The following HCN1 variants were observed in gnomAD, a reference collection of about 807,000 sequenced individuals.
HCN1 encodes the protein potassium/sodium hyperpolarization-activated cyclic nucleotide-gated channel 1.
In HCN1, 13 loss-of-function variants were observed where a neutral mutation model predicts 78.9. The observed-to-expected ratio is 0.16, with a 90% CI of 0.11 to 0.26. The LOEUF (loss-of-function observed/expected upper bound fraction) is 0.26, where lower values mean the gene tolerates loss of function less well. Among genes scored for constraint, HCN1 ranks in the 10% least tolerant of loss-of-function variants. HCN1 has a pLI of 1.00. For missense variants in HCN1, 810 were observed against 1,154.3 expected, an observed-to-expected ratio of 0.70 and a Z score of 4.32; for synonymous variants, 552 against 455.5, an observed-to-expected ratio of 1.21 and a Z score of -2.70.
intron 2 of HCN1, chr5:45,643,825 A>G (rs943482878): frequency 5.3e-5 from 8 of 152,174 alleles, no homozygotes; most frequent in Admixed American, 4.6e-4. Context: ...ATTAGCAAGA[A>G]TCATCTTGGT....
At chr5:45,607,147 A>T (rs577023494) in intron 2 of HCN1, among the ~76,000 whole-genome samples, 1 of 152,028 alleles carries the variant, frequency 6.6e-6, no homozygotes, top group African/African-American at 2.4e-5. Flanking sequence ...ATCATTAAAC[A>T]TGACTAAAGT....
rs973761431 is a variant in HCN1, at chr5:45,532,479, C to A, written c.850-70472G>T. 2.0e-5 allele frequency among the ~76,000 whole-genome samples: 3 copies of A among 152,074 alleles called. No homozygotes were observed. The East Asian group carries it at 5.8e-4, about 29-fold the overall frequency. On this transcript the variant is annotated intron_variant, in intron 2 of 7. Coordinates refer to ENST00000303230, the MANE Select transcript of HCN1 (RefSeq NM_021072.4). ...TATTGTAAAATATAGCCAATTATAA[C>A]ATAAGAATCATTTACAGTCAATTTT...
intron 2 of HCN1, among the ~76,000 whole-genome samples, chr5:45,601,734 A>G (rs1744629065): frequency 6.6e-6 from 1 of 152,144 alleles, no homozygotes; most frequent in Non-Finnish European, 1.5e-5. Flanking sequence ...GGGCTAAAGA[A>G]AGCATTTATA....
At chr5:45,292,893 A>C (rs1363721912) in intron 6 of HCN1, among the ~76,000 whole-genome samples, 2 of 152,000 alleles carry the variant, frequency 1.3e-5, no homozygotes, top group South Asian at 4.1e-4. Flanking sequence ...TACATGTTTA[A>C]ATTTGAAGAA....
chr5:45,348,391 G>A (rs577942409), intron 5 of HCN1, among the ~76,000 whole-genome samples: 63 of 152,150 alleles, frequency 4.1e-4, no homozygotes, highest in Non-Finnish European at 6.3e-4. Context: ...AGGAACGACC[G>A]GTACCAGCCA....
At chr5:45,373,105 T>A (rs1331144213) in intron 4 of HCN1, among the ~76,000 whole-genome samples, 3 of 132,108 alleles carry the variant, frequency 2.3e-5, no homozygotes, top group African/African-American at 8.3e-5. Context: ...ATATATAAAA[T>A]ACATATAGTA....
At chr5:45,285,326 C>A (rs371638759) in intron 6 of HCN1, among the ~76,000 whole-genome samples, 11 of 152,090 alleles carry the variant, frequency 7.2e-5, no homozygotes, top group African/African-American at 2.4e-4. Context: ...TCCAAAATAT[C>A]TTTCTAAAAT....
intron 1 of HCN1, among the ~76,000 whole-genome samples, chr5:45,690,224 A>T (rs1290922271): frequency 6.6e-6 from 1 of 152,114 alleles, no homozygotes. Flanking sequence ...AAATAAAATT[A>T]GGTTTATATA....
chr5:45,646,993 T>C (rs1011322528), intron 1 of HCN1, among the ~76,000 whole-genome samples: 9 of 152,206 alleles, frequency 5.9e-5, no homozygotes, highest in African/African-American at 1.9e-4. Flanking sequence ...TGGTGAGGTA[T>C]ACATGTGTAT....
intron 3 of HCN1, among the ~76,000 whole-genome samples, chr5:45,458,209 A>T (rs544813394): frequency 6.6e-6 from 1 of 152,164 alleles, no homozygotes; most frequent in Non-Finnish European, 1.5e-5. Flanking sequence ...TGGGATACAG[A>T]TAAAAGTATG....
At chr5:45,528,341 T>A (rs573432476) in intron 2 of HCN1, among the ~76,000 whole-genome samples, 97 of 152,078 alleles carry the variant, frequency 6.4e-4, no homozygotes, top group South Asian at 4.1e-4. Context: ...ATATATTTAG[T>A]GTTTTAGAGT....
At chr5:45,581,424 T>A (rs1744070572) in intron 2 of HCN1, among the ~76,000 whole-genome samples, 2 of 152,314 alleles carry the variant, frequency 1.3e-5, no homozygotes, top group South Asian at 4.1e-4. Context: ...ATATTAGCCC[T>A]TTGTCAGATG....
chr5:45,658,031 T>C (rs1222225786), intron 1 of HCN1, among the ~76,000 whole-genome samples: 1 of 152,188 alleles, frequency 6.6e-6, no homozygotes, highest in Non-Finnish European at 1.5e-5. Context: ...ATGGTACTGG[T>C]ACCAAAACAG....
At chr5:45,308,759 G>C (rs1467820328) in intron 5 of HCN1, among the ~76,000 whole-genome samples, 1 of 151,986 alleles carries the variant, frequency 6.6e-6, no homozygotes, top group African/African-American at 2.4e-5. Context: ...TGCTGTTTTG[G>C]TTACTGTAGC....
intron 6 of HCN1, among the ~76,000 whole-genome samples, chr5:45,277,615 T>C (rs1745090660): frequency 6.6e-6 from 1 of 152,158 alleles, no homozygotes; most frequent in Non-Finnish European, 1.5e-5. Context: ...GTTATTCTTT[T>C]ATTAAAAAAT....
At chr5:45,518,751 C>A (rs1742560410) in intron 2 of HCN1, among the ~76,000 whole-genome samples, 1 of 151,896 alleles carries the variant, frequency 6.6e-6, no homozygotes, top group East Asian at 1.9e-4. Context: ...TAATGAAGTT[C>A]TTTCAGCCAG....
chr5:45,504,270 G>A (rs996389566), intron 2 of HCN1, among the ~76,000 whole-genome samples: 13 of 151,990 alleles, frequency 8.6e-5, no homozygotes, highest in Middle Eastern at 6.9e-3. Context: ...CCCACAACAG[G>A]CCCCGGTGTG....
intron 5 of HCN1, among the ~76,000 whole-genome samples, chr5:45,339,584 G>A (rs1746532706): frequency 6.6e-6 from 1 of 152,144 alleles, no homozygotes; most frequent in African/African-American, 2.4e-5. Context: ...GAGGTCATGA[G>A]CAGGTTCTAA....
At chr5:45,639,251 C>G (rs1006733270) in intron 2 of HCN1, among the ~76,000 whole-genome samples, 1 of 151,952 alleles carries the variant, frequency 6.6e-6, no homozygotes, top group Non-Finnish European at 1.5e-5. Context: ...ATAGAGGACA[C>G]CTAGTGGTCT....
Sources: gnomAD v4.1 joint callset for allele counts (sites outside exome capture counted in the v4.1 genomes callset) on GRCh38, gnomAD v4.1.1 for gene constraint, MANE v1.5 for transcripts, NCBI Gene and HGNC (gene_info 2026-07-23, HGNC 2026-07-21) for gene names.